Variants in RBFOX1 observed in about 807,000 individuals in gnomAD.
The protein encoded by RBFOX1 is RNA binding fox-1 homolog 1.
Under a neutral mutation model 57.7 loss-of-function variants are expected in RBFOX1, and 8 were observed. That is an observed-to-expected ratio of 0.14 (90% CI 0.08 to 0.25). The LOEUF is 0.25. Ranked by LOEUF, RBFOX1 falls within the 10% of genes least tolerant of loss-of-function variation. The pLI is 1.00. For synonymous variants in RBFOX1, 326 were observed against 222.4 expected (o/e 1.47, Z -4.15); for missense variants, 611 against 548.5 (o/e 1.11, Z -1.14).
chr16:6,577,620 T>G (rs1486056374), intron 2 of RBFOX1, among the ~76,000 whole-genome samples: 1 of 152,170 alleles, frequency 6.6e-6, no homozygotes, highest in East Asian at 1.9e-4. Flanking sequence ...GGCTCATCAT[T>G]CCCAGTGGTT....
At chr16:6,967,849 T>A (rs2084623035) in intron 3 of RBFOX1, among the ~76,000 whole-genome samples, 1 of 152,108 alleles carries the variant, frequency 6.6e-6, no homozygotes, top group Admixed American at 6.6e-5. Context: ...CAACCAGACA[T>A]ACTTCCTGAA....
At chr16:6,377,859 G>A (rs2091368477) in intron 2 of RBFOX1, among the ~76,000 whole-genome samples, 1 of 152,130 alleles carries the variant, frequency 6.6e-6, no homozygotes, top group Non-Finnish European at 1.5e-5. Flanking sequence ...CCAGACTATG[G>A]AAGTGCTGGC....
intron 4 of RBFOX1, among the ~76,000 whole-genome samples, chr16:7,294,737 G>C (rs995612260): frequency 3.9e-5 from 6 of 151,984 alleles, no homozygotes; most frequent in South Asian, 2.1e-4. Context: ...CTTCACAAAA[G>C]TGCTTACGAG....
Position 5,333,403 on chromosome 16 carries a change from C to G in RBFOX1, c.219+93298C>G, listed in dbSNP as rs77525437. On this transcript the variant is annotated intron_variant, in intron 1 of 2. Transcript: ENST00000585867. ...CAGAGTTGAGTAATTGAGACAGAGA[C>G]TGTCAGGTCTGAACAGCTGAAAATA... Among the ~76,000 whole-genome samples the G allele has an allele frequency of 3.2e-3, 489 of 151,426 alleles. 4 individuals carry two copies. The highest frequency in any genetic ancestry group is 0.011 in the African/African-American group (452 of 41,318).
chr16:6,805,165 G>A (rs1334031871), intron 3 of RBFOX1, among the ~76,000 whole-genome samples: 2 of 151,722 alleles, frequency 1.3e-5, no homozygotes, highest in Non-Finnish European at 2.9e-5. Context: ...TAACAGATTG[G>A]CTAAAGAAAA....
intron 3 of RBFOX1, among the ~76,000 whole-genome samples, chr16:5,828,379 A>G (rs2056147749): frequency 6.6e-6 from 1 of 152,214 alleles, no homozygotes; most frequent in Non-Finnish European, 1.5e-5. Flanking sequence ...ATGAGGTCTG[A>G]GTGAGTGACA....
At chr16:6,979,059 G>T (rs990790759) in intron 3 of RBFOX1, among the ~76,000 whole-genome samples, 15 of 152,166 alleles carry the variant, frequency 9.9e-5, no homozygotes, top group African/African-American at 3.6e-4. Flanking sequence ...ATGAAAGCTA[G>T]AGAGAATCTG....
chr16:7,133,273 T>G (rs1259482859), intron 4 of RBFOX1, among the ~76,000 whole-genome samples: 4 of 152,212 alleles, frequency 2.6e-5, no homozygotes, highest in African/African-American at 9.6e-5. Context: ...AGATATTGTT[T>G]TGTATATAAG....
chr16:5,347,321 G>A (rs1394316358), intron 1 of RBFOX1, among the ~76,000 whole-genome samples: 8 of 152,148 alleles, frequency 5.3e-5, no homozygotes, highest in East Asian at 3.9e-4. Flanking sequence ...ACATACAGTC[G>A]TTGCTCAACA....
chr16:5,400,950 A>G (rs1384916981), intron 1 of RBFOX1, among the ~76,000 whole-genome samples: 2 of 152,092 alleles, frequency 1.3e-5, no homozygotes, highest in African/African-American at 4.8e-5. Flanking sequence ...TATTGATTTG[A>G]AAGATTCTTT....
At chr16:7,665,001 T>A in intron 13 of RBFOX1, 33 bp downstream of exon 13, 1 of 1,613,916 alleles carries the variant, frequency 6.2e-7, no homozygotes, top group Non-Finnish European at 8.5e-7. Context: ...GCCATCCCCG[T>A]TTCCTCCTGG....
At chr16:6,127,081 A>G (rs532110436) in intron 1 of RBFOX1, among the ~76,000 whole-genome samples, 1 of 152,314 alleles carries the variant, frequency 6.6e-6, no homozygotes, top group East Asian at 1.9e-4. Flanking sequence ...CATGGGAAGA[A>G]CATCTCAGAG....
chr16:7,511,630 T>G (rs774630627), intron 4 of RBFOX1, among the ~76,000 whole-genome samples: 2 of 152,176 alleles, frequency 1.3e-5, no homozygotes, highest in African/African-American at 2.4e-5. Context: ...CTTTTTTTTT[T>G]GCTTTTATGA....
At chr16:5,736,744 G>A (rs930186588) in intron 3 of RBFOX1, among the ~76,000 whole-genome samples, 2 of 151,256 alleles carry the variant, frequency 1.3e-5, no homozygotes, top group African/African-American at 4.9e-5. Flanking sequence ...CCATCTGTGT[G>A]TGTCTGTCTC....
chr16:7,028,002 GGAA>G (rs1198327173), intron 3 of RBFOX1, among the ~76,000 whole-genome samples: 1 of 151,822 alleles, frequency 6.6e-6, no homozygotes, highest in African/African-American at 2.4e-5. Flanking sequence ...AAGAAGGAAG[GGAA>G]GAAGGAGAAG....
chr16:6,710,484 A>C (rs1027983915), intron 3 of RBFOX1, among the ~76,000 whole-genome samples: 3 of 152,138 alleles, frequency 2.0e-5, no homozygotes, highest in African/African-American at 7.2e-5. Context: ...CTGACAGTGC[A>C]CCTCCATTTA....
intron 3 of RBFOX1, among the ~76,000 whole-genome samples, chr16:6,722,978 T>C (rs1381555909): frequency 6.6e-6 from 1 of 152,152 alleles, no homozygotes; most frequent in African/African-American, 2.4e-5. Flanking sequence ...AGTGATGGTA[T>C]TTGACACTTT....
rs558070846 is a variant in RBFOX1, at chr16:6,664,084, C to G, written c.-16+9434C>G. ...AGGTGTGTAAAGACAGTTTCTTTGT[C>G]TTATAGAGTCTACTTGCTCATAGAT... is the stretch of plus-strand genomic sequence containing the variant. On this transcript the variant is annotated intron_variant, in intron 3 of 15. Transcript: ENST00000550418. 4.6e-5 allele frequency among the ~76,000 whole-genome samples: 7 copies of G among 152,308 alleles called. No homozygotes were observed. The East Asian group carries it at 1.2e-3, about 25-fold the overall frequency.
At chr16:6,334,516 A>C (rs890117504) in intron 2 of RBFOX1, among the ~76,000 whole-genome samples, 2 of 151,886 alleles carry the variant, frequency 1.3e-5, no homozygotes, top group Non-Finnish European at 2.9e-5. Context: ...TCAAAAAAAA[A>C]AAAAAAAATC....
Sources: gnomAD v4.1 joint callset for allele counts (sites outside exome capture counted in the v4.1 genomes callset) on GRCh38, gnomAD v4.1.1 for gene constraint, MANE v1.5 for transcripts, NCBI Gene and HGNC (gene_info 2026-07-23, HGNC 2026-07-21) for gene names.